Variants in CADM2 observed in about 807,000 individuals in gnomAD.
CADM2 encodes the protein immunoglobulin superfamily member 4D.
CADM2 carries 12 observed loss-of-function variants against 49.8 expected under a neutral mutation model. The observed-to-expected ratio is 0.24, with a 90% CI of 0.15 to 0.39. The LOEUF (loss-of-function observed/expected upper bound fraction) is 0.39, where lower values mean the gene tolerates loss of function less well. Among genes scored for constraint, CADM2 ranks in the 10% least tolerant of loss-of-function variants. The pLI, the probability that CADM2 is intolerant of heterozygous loss-of-function variation, is 1.00. For synonymous variants in CADM2, 214 were observed against 175.4 expected (o/e 1.22, Z -1.74); for missense variants, 378 against 492.3 (o/e 0.77, Z 2.20).
chr3:85,236,109 A>G (rs76975830), intron 1 of CADM2, among the ~76,000 whole-genome samples: 1,771 of 152,130 alleles, frequency 0.012, 28 homozygotes, highest in African/African-American at 0.041. Context: ...ACACTGTTGG[A>G]CAGGCCAAAA....
chr3:85,650,507 G>GAAAA (rs35050516), intron 1 of CADM2, among the ~76,000 whole-genome samples: 1 of 141,984 alleles, frequency 7.0e-6, no homozygotes, highest in Non-Finnish European at 1.5e-5. Context: ...TAAGTGATCA[G>GAAAA]AAAAAAAAAA....
chr3:86,001,620 A>C (rs1289226329), intron 8 of CADM2, among the ~76,000 whole-genome samples: 1 of 152,052 alleles, frequency 6.6e-6, no homozygotes, highest in Non-Finnish European at 1.5e-5. Flanking sequence ...AGATTAATTT[A>C]AAAAGATGAG....
At chr3:85,102,529 C>T (rs769199935) in intron 1 of CADM2, among the ~76,000 whole-genome samples, 4 of 152,026 alleles carry the variant, frequency 2.6e-5, no homozygotes, top group African/African-American at 4.8e-5. Context: ...ACAATAGGGA[C>T]CAATGCTCTT....
chr3:85,286,795 T>C (rs1287292194), intron 1 of CADM2, among the ~76,000 whole-genome samples: 1 of 152,160 alleles, frequency 6.6e-6, no homozygotes, highest in Non-Finnish European at 1.5e-5. Context: ...ATATTAAATG[T>C]ATTTCCATTT....
At chr3:85,816,201 T>G (rs1318785025) in intron 3 of CADM2, among the ~76,000 whole-genome samples, 1 of 152,100 alleles carries the variant, frequency 6.6e-6, no homozygotes, top group Non-Finnish European at 1.5e-5. Flanking sequence ...AATCTGTATT[T>G]TGGAAATGGA....
intron 1 of CADM2, among the ~76,000 whole-genome samples, chr3:85,270,122 A>G (rs1462346164): frequency 6.6e-6 from 1 of 151,300 alleles, no homozygotes; most frequent in African/African-American, 2.4e-5. Context: ...TGCCTCAGAA[A>G]TTTTACTCCT....
At chr3:85,770,684 T>G (rs1431914413) in intron 2 of CADM2, among the ~76,000 whole-genome samples, 1 of 152,140 alleles carries the variant, frequency 6.6e-6, no homozygotes, top group Admixed American at 6.6e-5. Context: ...TTTGTCTAGA[T>G]GAAAGCAGCA....
At chr3:85,542,179 G>T (rs553851836) in intron 1 of CADM2, among the ~76,000 whole-genome samples, 1 of 152,016 alleles carries the variant, frequency 6.6e-6, no homozygotes, top group South Asian at 2.1e-4. Context: ...AGTGAACCTT[G>T]ATCTAGAATG....
At chr3:85,868,397 G>A (rs1053449117) in intron 3 of CADM2, among the ~76,000 whole-genome samples, 3 of 151,844 alleles carry the variant, frequency 2.0e-5, no homozygotes, top group Non-Finnish European at 4.4e-5. Flanking sequence ...ACAAATTTTG[G>A]TTAAAACAGA....
chr3:85,127,551 C>T lies in CADM2; in HGVS notation c.61+167883C>T, dbSNP rs539566974. ...CTGGGTCAGATTACTTTTTTAAAGT[C>T]GTGAATTCCCTATGAATTTAATAAT... is the stretch of plus-strand genomic sequence containing the variant. On this transcript the variant is annotated intron_variant, in intron 1 of 9. Coordinates refer to ENST00000383699, the MANE Select transcript of CADM2 (RefSeq NM_001167675.2). Among the ~76,000 whole-genome samples the T allele has an allele frequency of 3.3e-5, 5 of 152,268 alleles. 1 individual carries two copies. The highest frequency in any genetic ancestry group is 2.1e-4 in the South Asian group (1 of 4,826).
At chr3:85,051,299 T>G (rs888162920) in intron 1 of CADM2, among the ~76,000 whole-genome samples, 2 of 152,018 alleles carry the variant, frequency 1.3e-5, no homozygotes, top group African/African-American at 4.8e-5. Context: ...TATTCAACTG[T>G]ATCTATTAGA....
In CADM2 at chr3:86,069,716, A is replaced by T. The variant is rs1739676566; in HGVS notation, c.*2933A>T. ...GCAGTGTGCACACACACACACCCTTAGTAGAATATGGAGCATTATTCTTTA... is the reference window on the plus strand; with the variant it reads ...GCAGTGTGCACACACACACACCCTTTGTAGAATATGGAGCATTATTCTTTA... On this transcript the variant is annotated 3_prime_UTR_variant, in exon 10 of 10. Coordinates refer to ENST00000383699, the MANE Select transcript of CADM2 (RefSeq NM_001167675.2). The T allele has an allele frequency of 6.6e-6, 1 of 152,020 alleles. No individual in the cohort carries two copies. The highest frequency in any genetic ancestry group is 2.4e-5 in the African/African-American group (1 of 41,440). The allele number at this position is 152,020 out of a possible 1,614,324, so 9.4% of individuals were successfully genotyped here.
chr3:85,607,484 A>G (rs528026057), intron 1 of CADM2, among the ~76,000 whole-genome samples: 1 of 152,124 alleles, frequency 6.6e-6, no homozygotes, highest in Non-Finnish European at 1.5e-5. Flanking sequence ...GCTGCATTGT[A>G]TAATTTAAAA....
At chr3:85,146,937 G>C (rs924398641) in intron 1 of CADM2, among the ~76,000 whole-genome samples, 1 of 151,870 alleles carries the variant, frequency 6.6e-6, no homozygotes, top group Non-Finnish European at 1.5e-5. Flanking sequence ...ATACGATAGT[G>C]GATTAAGGGG....
At chr3:85,432,158 G>A (rs929528700) in intron 1 of CADM2, among the ~76,000 whole-genome samples, 3 of 151,808 alleles carry the variant, frequency 2.0e-5, no homozygotes, top group African/African-American at 7.3e-5. Flanking sequence ...TGGCAAAGGA[G>A]TGAGAGATCT....
intron 7 of CADM2, among the ~76,000 whole-genome samples, chr3:85,939,857 G>T (rs1721646010): frequency 1.3e-5 from 2 of 148,572 alleles, no homozygotes; most frequent in South Asian, 2.2e-4. Flanking sequence ...AAAGAAGAAA[G>T]AATTTAATCT....
intron 1 of CADM2, among the ~76,000 whole-genome samples, chr3:85,298,547 A>G (rs1420116572): frequency 1.3e-5 from 2 of 152,102 alleles, no homozygotes; most frequent in African/African-American, 4.8e-5. Context: ...GGGATTCCAA[A>G]CAGGAATGGA....
At chr3:85,386,573 G>T (rs771219363) in intron 1 of CADM2, among the ~76,000 whole-genome samples, 2 of 152,138 alleles carry the variant, frequency 1.3e-5, no homozygotes, top group Non-Finnish European at 1.5e-5. Context: ...TTCAAACCTG[G>T]GCTGTGCTTC....
At chr3:85,273,994 A>G (rs78315934) in intron 1 of CADM2, among the ~76,000 whole-genome samples, 3 of 151,476 alleles carry the variant, frequency 2.0e-5, no homozygotes, top group Non-Finnish European at 4.4e-5. Context: ...AACTAGAAAA[A>G]TGAGTTGTCA....
Sources: allele counts gnomAD v4.1 joint callset (sites outside exome capture counted in the v4.1 genomes callset), GRCh38; gene constraint gnomAD v4.1.1; transcripts MANE v1.5; gene names NCBI Gene and HGNC (gene_info 2026-07-23, HGNC 2026-07-21).